GPC6: variants seen among roughly 807,000 people sequenced by gnomAD.
GPC6 encodes the protein glypican-6.
A neutral mutation model predicts 55.2 loss-of-function variants in GPC6; 14 were observed. That is an observed-to-expected ratio of 0.25 (90% CI 0.17 to 0.40). GPC6 has a LOEUF of 0.40. Ranked by LOEUF, GPC6 falls within the 10% of genes least tolerant of loss-of-function variation. The probability of loss-of-function intolerance (pLI) is 1.00; values close to 1 mark genes in which losing one functional copy is unlikely to be tolerated. For missense variants in GPC6, 641 were observed against 708.5 expected, an observed-to-expected ratio of 0.90 and a Z score of 1.08; for synonymous variants, 278 against 259.6, an observed-to-expected ratio of 1.07 and a Z score of -0.68.
At chr13:93,361,446 C>T (rs1881036743) in intron 1 of GPC6, among the ~76,000 whole-genome samples, 1 of 152,078 alleles carries the variant, frequency 6.6e-6, no homozygotes, top group Admixed American at 6.6e-5. Flanking sequence ...GGCATAAAAA[C>T]TTTCTTATCC....
intron 2 of GPC6, among the ~76,000 whole-genome samples, chr13:93,632,636 T>TATATAAAA (rs377056284): frequency 5.5e-5 from 7 of 128,296 alleles, no homozygotes; most frequent in Non-Finnish European, 8.6e-5. Context: ...TATATATATA[T>TATATAAAA]AATAAAATAA....
At position 93,260,542 on chromosome 13, in the gene GPC6, C is replaced by G. The variant is rs184168090; in HGVS notation, c.160+32926C>G. Among the ~76,000 whole-genome samples, 328 of 152,134 alleles carry G rather than the reference C, an allele frequency of 2.2e-3. 2 individuals are homozygous for G. The highest frequency in any genetic ancestry group is 7.5e-3 in the African/African-American group (311 of 41,544). ...TAGGTGAATGTCTGTTTTAATTGTT[C>G]AGATTAAAAAACTACTCATGTCCTC... On this transcript the variant is annotated intron_variant, in intron 1 of 8. Coordinates refer to ENST00000377047, the MANE Select transcript of GPC6 (RefSeq NM_005708.5).
chr13:94,024,562 T>G (rs1882821276), intron 3 of GPC6, among the ~76,000 whole-genome samples: 2 of 152,292 alleles, frequency 1.3e-5, no homozygotes, highest in African/African-American at 4.8e-5. Flanking sequence ...CATTTTCTTC[T>G]TCTTCAACTG....
chr13:93,791,924 T>G (rs1886050259), intron 2 of GPC6, among the ~76,000 whole-genome samples: 1 of 152,354 alleles, frequency 6.6e-6, no homozygotes, highest in South Asian at 2.1e-4. Flanking sequence ...TAATTTTCGA[T>G]CTATAGTCTT....
chr13:93,896,724 A>G (rs1252102078), intron 3 of GPC6, among the ~76,000 whole-genome samples: 1 of 152,076 alleles, frequency 6.6e-6, no homozygotes, highest in Admixed American at 6.6e-5. Context: ...AACAAAATAT[A>G]TGTTTCCTGT....
intron 4 of GPC6, among the ~76,000 whole-genome samples, chr13:94,282,244 G>A (rs1594129036): frequency 6.6e-6 from 1 of 152,152 alleles, no homozygotes. Context: ...AGTTCTGCAT[G>A]GCTGGGGAAA....
intron 1 of GPC6, among the ~76,000 whole-genome samples, chr13:93,464,382 C>A (rs1375061773): frequency 6.6e-6 from 1 of 152,154 alleles, no homozygotes; most frequent in East Asian, 1.9e-4. Flanking sequence ...CAAGTGAAGT[C>A]AATTCTTTCA....
intron 5 of GPC6, among the ~76,000 whole-genome samples, chr13:94,287,303 C>G (rs1011447762): frequency 6.6e-6 from 1 of 152,166 alleles, no homozygotes; most frequent in African/African-American, 2.4e-5. Flanking sequence ...CGAGTGATTG[C>G]ATTTTAATTG....
intron 1 of GPC6, among the ~76,000 whole-genome samples, chr13:93,432,962 A>G (rs936550326): frequency 0.13 from 58 of 444 alleles, no homozygotes; most frequent in African/African-American, 0.26. Context: ...GGAAAGAAAA[A>G]AGAAGAGGGA....
chr13:93,703,553 A>G (rs1273101492), intron 2 of GPC6, among the ~76,000 whole-genome samples: 1 of 151,998 alleles, frequency 6.6e-6, no homozygotes, highest in Non-Finnish European at 1.5e-5. Flanking sequence ...AAAGCACAAT[A>G]AAACAAGGTA....
chr13:93,301,946 T>C (rs1878696570), intron 1 of GPC6, among the ~76,000 whole-genome samples: 2 of 152,318 alleles, frequency 1.3e-5, no homozygotes, highest in South Asian at 4.1e-4. Context: ...AGGAACAAGA[T>C]TGTATTCACA....
intron 2 of GPC6, among the ~76,000 whole-genome samples, chr13:93,609,975 T>C (rs1878398477): frequency 6.6e-6 from 1 of 152,188 alleles, no homozygotes; most frequent in Non-Finnish European, 1.5e-5. Context: ...TCCCTGCCTT[T>C]TCTAATTACC....
intron 4 of GPC6, among the ~76,000 whole-genome samples, chr13:94,142,388 A>G (rs1887409586): frequency 6.6e-6 from 1 of 152,210 alleles, no homozygotes; most frequent in Admixed American, 6.5e-5. Flanking sequence ...ACATACACAC[A>G]TCTTTTGATG....
At chr13:94,251,981 A>G (rs1296845918) in intron 4 of GPC6, among the ~76,000 whole-genome samples, 1 of 152,118 alleles carries the variant, frequency 6.6e-6, no homozygotes, top group Non-Finnish European at 1.5e-5. Context: ...GGCCTGGCTG[A>G]TGCATGCTGT....
intron 4 of GPC6, among the ~76,000 whole-genome samples, chr13:94,045,807 T>G (rs893762931): frequency 6.6e-6 from 1 of 151,580 alleles, no homozygotes; most frequent in African/African-American, 2.4e-5. Flanking sequence ...TACCCACATC[T>G]ACTCAAGCAA....
intron 1 of GPC6, among the ~76,000 whole-genome samples, chr13:93,341,469 G>C (rs1880252207): frequency 2.0e-5 from 3 of 152,106 alleles, no homozygotes; most frequent in South Asian, 4.1e-4. Flanking sequence ...ATCTCATTGT[G>C]GTTTTAATTT....
chr13:94,096,353 C>T (rs925793864), intron 4 of GPC6, among the ~76,000 whole-genome samples: 22 of 151,036 alleles, frequency 1.5e-4, no homozygotes, highest in Non-Finnish European at 2.8e-4. Context: ...TATTTCCATG[C>T]GAGTTGTTGG....
intron 3 of GPC6, among the ~76,000 whole-genome samples, chr13:93,887,913 G>A (rs2140315217): frequency 6.6e-6 from 1 of 152,174 alleles, no homozygotes; most frequent in East Asian, 1.9e-4. Flanking sequence ...ATGGCATCAG[G>A]ACATTCTGAC....
intron 2 of GPC6, among the ~76,000 whole-genome samples, chr13:93,661,253 A>G (rs3848068): frequency 0.82 from 125,330 of 151,966 alleles, 52,821 homozygotes; most frequent in Non-Finnish European, 0.93. Flanking sequence ...TCACTCTGTC[A>G]CCCAGGCTGG....
Sources: allele counts gnomAD v4.1 joint callset (sites outside exome capture counted in the v4.1 genomes callset), GRCh38; gene constraint gnomAD v4.1.1; transcripts MANE v1.5; gene names NCBI Gene and HGNC (gene_info 2026-07-23, HGNC 2026-07-21).